The following COLEC12 variants were observed in gnomAD, a reference collection of about 807,000 sequenced individuals.
The protein encoded by COLEC12 is collectin-12.
COLEC12 carries 33 observed loss-of-function variants against 71.1 expected under a neutral mutation model. That is an observed-to-expected ratio of 0.46 (90% CI 0.35 to 0.62). The LOEUF (loss-of-function observed/expected upper bound fraction) is 0.62. Ranked by LOEUF, COLEC12 falls within the 20% of genes least tolerant of loss-of-function variation. The pLI, the probability that COLEC12 is intolerant of heterozygous loss-of-function variation, is 0.00. For synonymous variants in COLEC12, 350 were observed against 353.0 expected (o/e 0.99, Z 0.10); for missense variants, 765 against 916.1 (o/e 0.84, Z 2.13).
intron 3 of COLEC12, among the ~76,000 whole-genome samples, chr18:349,857 C>T (rs982103717): frequency 2.0e-5 from 3 of 152,204 alleles, no homozygotes; most frequent in Non-Finnish European, 4.4e-5. Context: ...CCAATTTCTC[C>T]CATTTGGAAA....
At chr18:338,736 C>T (rs1427060446) in intron 5 of COLEC12, among the ~76,000 whole-genome samples, 2 of 152,096 alleles carry the variant, frequency 1.3e-5, no homozygotes, top group East Asian at 3.9e-4. Flanking sequence ...GAAGGTGTCA[C>T]GTATGTTCCG....
At chr18:329,253 T>C (rs1294023344) in intron 8 of COLEC12, among the ~76,000 whole-genome samples, 2 of 152,214 alleles carry the variant, frequency 1.3e-5, no homozygotes, top group African/African-American at 2.4e-5. Flanking sequence ...CCATTCCATA[T>C]GGGCCAATCC....
intron 2 of COLEC12, among the ~76,000 whole-genome samples, chr18:396,875 C>G (rs1009314453): frequency 6.6e-6 from 1 of 152,186 alleles, no homozygotes; most frequent in African/African-American, 2.4e-5. Flanking sequence ...GAGTCAAAAC[C>G]CACTCTCCAC....
intron 1 of COLEC12, among the ~76,000 whole-genome samples, chr18:491,891 A>G (rs1917625564): frequency 6.6e-6 from 1 of 152,238 alleles, no homozygotes; most frequent in African/African-American, 2.4e-5. Context: ...AGCTTTACAA[A>G]TGTAAACCTG....
chr18:441,108 C>G lies in COLEC12; in HGVS notation c.58+39599G>C, dbSNP rs540048768. 2.8e-4 allele frequency among the ~76,000 whole-genome samples: 4 copies of G among 14,072 alleles called. 1 individual carries two copies. The highest frequency in any genetic ancestry group is 5.7e-4 in the Non-Finnish European group (2 of 3,480). 9.2% of individuals were successfully genotyped at this position (14,072 alleles called of 152,430 possible). On this transcript the variant is annotated intron_variant, in intron 2 of 9. Transcript: ENST00000400256. Reference sequence around the variant, plus strand: ...CTAAAAATACAAAAAATTGGCCAGGCGTGGTGGCGGGCGCCTGTAGTCCCA... The same window carrying G: ...CTAAAAATACAAAAAATTGGCCAGGGGTGGTGGCGGGCGCCTGTAGTCCCA...
At chr18:448,155 CT>C (rs1916689219) in intron 2 of COLEC12, among the ~76,000 whole-genome samples, 1 of 152,248 alleles carries the variant, frequency 6.6e-6, no homozygotes. Context: ...CTTTGTGTCT[CT>C]CTTGAAAATA....
chr18:436,658 A>G (rs1024443482), intron 2 of COLEC12, among the ~76,000 whole-genome samples: 4 of 151,614 alleles, frequency 2.6e-5, no homozygotes, highest in Non-Finnish European at 5.9e-5. Flanking sequence ...CTTACTTCCA[A>G]TCTATCTGGG....
chr18:380,495 C>T (rs16943584), intron 2 of COLEC12, among the ~76,000 whole-genome samples: 3 of 151,634 alleles, frequency 2.0e-5, no homozygotes, highest in Non-Finnish European at 4.4e-5. Flanking sequence ...GGTATCTTTT[C>T]ATCAACGGTG....
chr18:485,906 GA>G (rs1309252586), intron 1 of COLEC12, among the ~76,000 whole-genome samples: 2 of 152,208 alleles, frequency 1.3e-5, no homozygotes, highest in Admixed American at 1.3e-4. Flanking sequence ...CCTCCATATG[GA>G]AAGCCATTTA....
chr18:347,183 C>T lies in COLEC12; in HGVS notation c.439G>A (p.Val147Met). 1 of 1,614,158 alleles carries T rather than the reference C, an allele frequency of 6.2e-7. No individual in the cohort carries two copies. Among genetic ancestry groups the T allele is most frequent in the Non-Finnish European group, 8.5e-7 (1 of 1,180,048 alleles). ...TCTTTCAATTGACTCTGCCTGTCCA[C>T]CAGAGCATCCCCGCTCGCCTGTAAC... ...EKLQASGDAL[V>M]DRQSQLKETL... The change falls in exon 5 of 10, where the codon GTG becomes ATG. Residue 147 changes from valine (V) to methionine (M), a missense_variant. Val to Met is a conservative substitution (Grantham distance 21). Coordinates refer to ENST00000400256, the MANE Select transcript of COLEC12 (RefSeq NM_130386.3).
chr18:421,724 G>A (rs1227720094), intron 2 of COLEC12, among the ~76,000 whole-genome samples: 1 of 152,112 alleles, frequency 6.6e-6, no homozygotes, highest in Non-Finnish European at 1.5e-5. Flanking sequence ...ATACTTCAGT[G>A]ATTCCAGTGA....
intron 2 of COLEC12, among the ~76,000 whole-genome samples, chr18:406,536 AAAAAG>A (rs1427671043): frequency 2.1e-5 from 3 of 146,164 alleles, no homozygotes; most frequent in African/African-American, 7.5e-5. Context: ...AAAAAAAAAA[AAAAAG>A]GGCAACCAGC....
chr18:383,114 A>C (rs771533786), intron 2 of COLEC12, among the ~76,000 whole-genome samples: 2 of 152,188 alleles, frequency 1.3e-5, no homozygotes, highest in Non-Finnish European at 2.9e-5. Context: ...AGTCTGTCTA[A>C]TCTGGAGTCC....
intron 8 of COLEC12, among the ~76,000 whole-genome samples, chr18:324,321 C>A (rs1913783990): frequency 6.6e-6 from 1 of 152,156 alleles, no homozygotes; most frequent in Non-Finnish European, 1.5e-5. Flanking sequence ...TAGATTCTGG[C>A]AAGATGAATG....
At chr18:429,751 A>C (rs1195831619) in intron 2 of COLEC12, among the ~76,000 whole-genome samples, 1 of 152,206 alleles carries the variant, frequency 6.6e-6, no homozygotes, top group Non-Finnish European at 1.5e-5. Context: ...ATAGAGCTGC[A>C]TGATGACAGA....
intron 2 of COLEC12, among the ~76,000 whole-genome samples, chr18:400,523 A>G (rs957760211): frequency 1.3e-5 from 2 of 152,140 alleles, no homozygotes; most frequent in African/African-American, 4.8e-5. Context: ...TCTGAAGGGT[A>G]ATTTCACCCC....
At chr18:324,599 T>C (rs1030698203) in intron 8 of COLEC12, among the ~76,000 whole-genome samples, 19 of 151,336 alleles carry the variant, frequency 1.3e-4, no homozygotes, top group African/African-American at 4.4e-4. Context: ...GAGGCCGAGG[T>C]GGGTGGATCA....
rs547467437 is a variant in COLEC12, at chr18:494,515, G to T, written c.7+5993C>A. 3.9e-5 allele frequency among the ~76,000 whole-genome samples: 6 copies of T among 152,308 alleles called. No individual in the cohort carries two copies. The East Asian group carries it at 1.2e-3, about 29-fold the overall frequency. ...AGAAACTGGGGCCCCAGGGGGTTAA[G>T]TGACTTGCCTGAGGTCCCCAGGCTC... On this transcript the variant is annotated intron_variant, in intron 1 of 9. Coordinates refer to ENST00000400256, the MANE Select transcript of COLEC12 (RefSeq NM_130386.3).
intron 8 of COLEC12, among the ~76,000 whole-genome samples, chr18:326,509 G>A (rs149626298): frequency 1.8e-3 from 268 of 152,258 alleles, no homozygotes; most frequent in African/African-American, 6.3e-3. Flanking sequence ...CACCACACCT[G>A]GCTAATGTCT....
Sources: allele counts gnomAD v4.1 joint callset (sites outside exome capture counted in the v4.1 genomes callset), GRCh38; gene constraint gnomAD v4.1.1; transcripts MANE v1.5; gene names NCBI Gene and HGNC (gene_info 2026-07-23, HGNC 2026-07-21).